Variants in ERCC6 observed in about 807,000 individuals in gnomAD.
The protein encoded by ERCC6 is DNA excision repair protein ERCC-6.
Under a neutral mutation model 158.7 loss-of-function variants are expected in ERCC6, and 116 were observed. The observed-to-expected ratio is 0.73, with a 90% CI of 0.63 to 0.85. The LOEUF (loss-of-function observed/expected upper bound fraction) is 0.85. Among genes scored for constraint, ERCC6 ranks in the 40% least tolerant of loss-of-function variants. The probability of loss-of-function intolerance (pLI) is 0.00; values close to 1 mark genes in which losing one functional copy is unlikely to be tolerated. For missense variants in ERCC6, 1,698 were observed against 1,799.4 expected (o/e 0.94, Z 1.02); for synonymous variants, 678 against 659.3 (o/e 1.03, Z -0.43).
downstream of ERCC6, among the ~76,000 whole-genome samples, chr10:49,450,466 T>A (rs1370542203): frequency 6.6e-6 from 1 of 152,222 alleles, no homozygotes; most frequent in African/African-American, 2.4e-5. Flanking sequence ...TTTTCAGGAT[T>A]TCTTTGGCTA....
At chr10:49,487,040 A>C (rs940502282) in intron 8 of ERCC6, among the ~76,000 whole-genome samples, 2 of 152,244 alleles carry the variant, frequency 1.3e-5, no homozygotes, top group African/African-American at 4.8e-5. Flanking sequence ...TCATGTAATC[A>C]CAATCATCTA....
At chr10:49,462,881 C>T (rs1470420856) in intron 18 of ERCC6, among the ~76,000 whole-genome samples, 1 of 152,198 alleles carries the variant, frequency 6.6e-6, no homozygotes, top group Non-Finnish European at 1.5e-5. Context: ...CTAAACCTTA[C>T]AAAAGGGAGT....
At chr10:49,477,439 A>G (rs1304400282) in intron 11 of ERCC6, among the ~76,000 whole-genome samples, 1 of 151,970 alleles carries the variant, frequency 6.6e-6, no homozygotes, top group Non-Finnish European at 1.5e-5. Context: ...ATTAGGTACC[A>G]TCCCCACCTC....
chr10:49,460,215 A>G, intron 20 of ERCC6, 158 bp downstream of exon 20: 1 of 676,706 alleles, frequency 1.5e-6, no homozygotes, highest in East Asian at 2.7e-5. Context: ...TTTTAGATTC[A>G]AGTGAATGTG....
chr10:49,524,023 A>G lies in ERCC6; in HGVS notation c.1397+10T>C, dbSNP rs1381577518. The G allele has an allele frequency of 6.2e-7, 1 of 1,612,830 alleles. No homozygotes were observed. The highest frequency in any genetic ancestry group is 8.5e-7 in the Non-Finnish European group (1 of 1,179,962). On this transcript the variant is annotated intron_variant, in intron 5 of 20. Transcript: ENST00000355832. ...ACAGTACAATGTATTTATAATCCCC[A>G]CAGACCGACCTTAACCGCTGCTTAT...
rs1411729588 is a variant in ERCC6, at chr10:49,472,366, G to A, written c.2924+10C>T. 6.2e-7 allele frequency: 1 copy of A among 1,612,568 alleles called. No individual in the cohort carries two copies. The highest frequency in any genetic ancestry group is 1.7e-5 in the Admixed American group (1 of 60,034). On this transcript the variant is annotated intron_variant, in intron 16 of 20. Coordinates refer to ENST00000355832, the MANE Select transcript of ERCC6 (RefSeq NM_000124.4). ...ACGCACAGCCAAGAGTGGCCACTGT[G>A]TGCACTGACCGGTGGTAGATCTTTT...
chr10:49,526,103 ATATTTATATATTTT>A (rs1209467853), intron 4 of ERCC6, among the ~76,000 whole-genome samples: 71 of 99,876 alleles, frequency 7.1e-4, no homozygotes, highest in African/African-American at 1.9e-3. Flanking sequence ...ATATATTTAT[ATATTTATATATTTT>A]TATATATATA....
At chr10:49,496,787 G>A (rs1924488) in intron 7 of ERCC6, among the ~76,000 whole-genome samples, 28,509 of 152,106 alleles carry the variant, frequency 0.19, 3,015 homozygotes, top group East Asian at 0.46. Flanking sequence ...CAGCCTGGGC[G>A]ACAAGAGCGA....
chr10:49,494,670 T>C (rs1384844285), intron 7 of ERCC6, among the ~76,000 whole-genome samples: 3 of 152,178 alleles, frequency 2.0e-5, no homozygotes, highest in African/African-American at 7.2e-5. Flanking sequence ...GGTACTCCCC[T>C]GAAACTCTCA....
At position 49,516,651 on chromosome 10, in the gene ERCC6, A is replaced by AC. The variant is rs758439687; in HGVS notation, c.1397+7381_1397+7382insG. 6.2e-6 allele frequency: 10 copies of AC among 1,614,124 alleles called. No individual in the cohort carries two copies. Among genetic ancestry groups the AC allele is most frequent in the South Asian group, 1.1e-5 (1 of 91,094 alleles). On this transcript the variant is annotated intron_variant, in intron 5 of 20. Coordinates refer to ENST00000355832, the MANE Select transcript of ERCC6 (RefSeq NM_000124.4). ...GTTGGAGTACTTGACAATGAGTTCAATGACCTCGTCATCAAGAAAAAGTTC... is the reference window on the plus strand; with the variant it reads ...GTTGGAGTACTTGACAATGAGTTCAACTGACCTCGTCATCAAGAAAAAGTTC...
At chr10:49,489,149 A>G (rs989732921) in intron 8 of ERCC6, among the ~76,000 whole-genome samples, 2 of 152,192 alleles carry the variant, frequency 1.3e-5, no homozygotes, top group Non-Finnish European at 2.9e-5. Flanking sequence ...GTATCTGAAC[A>G]TGAGAATAAA....
intron 7 of ERCC6, 26 bp downstream of exon 7, chr10:49,500,512 C>G: frequency 6.2e-7 from 1 of 1,612,260 alleles, no homozygotes; most frequent in Non-Finnish European, 8.5e-7. Context: ...GCTCCACAGA[C>G]TGACAGTCTG....
At chr10:49,490,994 T>C (rs546976421) in intron 8 of ERCC6, among the ~76,000 whole-genome samples, 87 of 152,294 alleles carry the variant, frequency 5.7e-4, no homozygotes, top group Non-Finnish European at 1.1e-3. Context: ...TAGACTCTAT[T>C]GTAATTTAAC....
chr10:49,534,533 T>C lies in ERCC6; in HGVS notation c.-14-1555A>G, dbSNP rs1837551993. Among the ~76,000 whole-genome samples, 3 of 152,216 alleles carry C rather than the reference T, an allele frequency of 2.0e-5. No homozygotes were observed. In the South Asian group the frequency reaches 6.2e-4, roughly 31 times the overall value. On this transcript the variant is annotated intron_variant, in intron 1 of 20. Transcript: ENST00000355832. ...ACACACTTATGCTGAAAAAAGTATC[T>C]ATCCTGCACACAGAATGATCTGGCA...
chr10:49,487,997 T>C (rs1246584036), intron 8 of ERCC6, among the ~76,000 whole-genome samples: 1 of 152,236 alleles, frequency 6.6e-6, no homozygotes, highest in African/African-American at 2.4e-5. Flanking sequence ...CTGCCTAGAC[T>C]GGAGTTTCAA....
Position 49,474,018 on chromosome 10 carries a change from T to C in ERCC6, c.2598+9A>G, listed in dbSNP as rs1350196442. The C allele has an allele frequency of 1.2e-6, 2 of 1,612,770 alleles. No individual in the cohort carries two copies. The highest frequency in any genetic ancestry group is 8.5e-7 in the Non-Finnish European group (1 of 1,179,030). On this transcript the variant is annotated intron_variant, in intron 13 of 20. Coordinates refer to ENST00000355832, the MANE Select transcript of ERCC6 (RefSeq NM_000124.4). The stretch of plus-strand genomic sequence containing the variant: ...CAGCCTGTTTCCCGTCTGAAGTCTG[T>C]GCACTCACCTGCCTTGACTGAGAAA...
chr10:49,521,851 G>A (rs1837172876), intron 5 of ERCC6, among the ~76,000 whole-genome samples: 1 of 152,194 alleles, frequency 6.6e-6, no homozygotes, highest in African/African-American at 2.4e-5. Context: ...TATGGAAAGG[G>A]CTTGACGGAA....
chr10:49,436,995 C>T, the ERCC6 span, among the ~76,000 whole-genome samples: 1 of 152,184 alleles, frequency 6.6e-6, no homozygotes, highest in East Asian at 1.9e-4. Flanking sequence ...TGAATTGTAG[C>T]TCCCATAATT....
intron 4 of ERCC6, 192 bp from the exon 5 acceptor site, chr10:49,524,969 T>C: frequency 7.2e-7 from 1 of 1,389,318 alleles, no homozygotes; most frequent in Non-Finnish European, 9.4e-7. Flanking sequence ...TTTAATATAT[T>C]CCTGTTCAAA....
Sources: allele counts gnomAD v4.1 joint callset (sites outside exome capture counted in the v4.1 genomes callset), GRCh38; gene constraint gnomAD v4.1.1; transcripts MANE v1.5; gene names NCBI Gene and HGNC (gene_info 2026-07-23, HGNC 2026-07-21).